Variants in ADAMTS9 observed in about 807,000 individuals in gnomAD.
ADAMTS9 encodes ADAM metallopeptidase with thrombospondin type 1 motif 9, also known as A disintegrin and metalloproteinase with thrombospondin motifs 9.
A neutral mutation model predicts 257.1 loss-of-function variants in ADAMTS9; 107 were observed. The observed-to-expected ratio is 0.42, with a 90% confidence interval of 0.36 to 0.49. The LOEUF is 0.49. Ranked by LOEUF, ADAMTS9 falls within the 20% of genes least tolerant of loss-of-function variation. The probability of loss-of-function intolerance (pLI) is 0.03; values close to 1 mark genes in which losing one functional copy is unlikely to be tolerated. For missense variants in ADAMTS9, 2,353 were observed against 2,469.1 expected (o/e 0.95, Z 1.00); for synonymous variants, 982 against 880.9 (o/e 1.11, Z -2.03).
chr3:64,618,795 A>G (rs773977069), intron 19 of ADAMTS9, among the ~76,000 whole-genome samples: 30 of 152,140 alleles, frequency 2.0e-4, no homozygotes, highest in Non-Finnish European at 3.2e-4. Context: ...ACGTAAACCA[A>G]TGAGCGGAAA....
intron 2 of ADAMTS9, among the ~76,000 whole-genome samples, chr3:64,685,783 T>C (rs1559828274): frequency 6.6e-6 from 1 of 152,058 alleles, no homozygotes; most frequent in Non-Finnish European, 1.5e-5. Flanking sequence ...CCGTGAGTAG[T>C]AGAAACCCCA....
At chr3:64,555,611 G>C (rs2083323364) in intron 30 of ADAMTS9, among the ~76,000 whole-genome samples, 1 of 152,146 alleles carries the variant, frequency 6.6e-6, no homozygotes, top group Non-Finnish European at 1.5e-5. Flanking sequence ...TTGTAACAGA[G>C]CATGTAATTG....
At chr3:64,640,219 G>A (rs992849413) in intron 12 of ADAMTS9, among the ~76,000 whole-genome samples, 3 of 152,106 alleles carry the variant, frequency 2.0e-5, no homozygotes, top group Non-Finnish European at 4.4e-5. Context: ...AAATAAGGTT[G>A]GGTTATGAAC....
intron 3 of ADAMTS9, among the ~76,000 whole-genome samples, chr3:64,677,416 G>C (rs1292907589): frequency 6.6e-6 from 1 of 152,146 alleles, no homozygotes; most frequent in Non-Finnish European, 1.5e-5. Context: ...TTGCAAGAAA[G>C]AAAATATTTA....
chr3:64,614,387 CT>C (rs1356216102), intron 21 of ADAMTS9, among the ~76,000 whole-genome samples: 1 of 152,186 alleles, frequency 6.6e-6, no homozygotes, highest in East Asian at 1.9e-4. Context: ...ATCAAATACA[CT>C]GTTAATTGAC....
chr3:64,620,210 T>TTA (rs1265473473), intron 19 of ADAMTS9, among the ~76,000 whole-genome samples: 1 of 152,132 alleles, frequency 6.6e-6, no homozygotes, highest in African/African-American at 2.4e-5. Context: ...ATGGCAGACA[T>TTA]TAGTAGTCAA....
intron 20 of ADAMTS9, 30 bp downstream of exon 20, chr3:64,615,930 A>T (rs374226749): frequency 6.2e-7 from 1 of 1,611,702 alleles, no homozygotes; most frequent in South Asian, 1.1e-5. Context: ...ACAGCATCCA[A>T]GAAGACTCTT....
intron 3 of ADAMTS9, among the ~76,000 whole-genome samples, chr3:64,660,327 A>G (rs1337096035): frequency 6.6e-6 from 1 of 152,222 alleles, no homozygotes; most frequent in African/African-American, 2.4e-5. Flanking sequence ...TTTGACCATT[A>G]TAACCAATTG....
At position 64,602,178 on chromosome 3, in the gene ADAMTS9, C is replaced by G. The variant is rs1302504334; in HGVS notation, c.3783G>C (p.Arg1261=). The G allele has an allele frequency of 6.2e-7, 1 of 1,613,858 alleles. No homozygotes were observed. Among genetic ancestry groups the G allele is most frequent in the Admixed American group, 1.7e-5 (1 of 60,006 alleles). ...SVTCGQGRAT[R]QVMCVNYSDH... is the part of the protein sequence containing the mutation. ...CACTGTAGTTGACACACATCACTTG[C>G]CGGGTTGCCCTACCTTGCCCACAGG... Residue 1261 remains arginine, a synonymous_variant, in exon 26 of 40, where the codon CGG becomes CGC. Coordinates refer to ENST00000498707, the MANE Select transcript of ADAMTS9 (RefSeq NM_182920.2).
In ADAMTS9 at chr3:64,602,095, T is replaced by C. The variant is rs1331721061; in HGVS notation, c.3866A>G (p.Asp1289Gly). 1.9e-6 allele frequency: 3 copies of C among 1,614,132 alleles called. No individual in the cohort carries two copies. ...DQDYIPETDQ[D>G]CSMSPCPQRT... ...TTGAGGGCATGGTGACATGGAACAG[T>C]CCTGGTCAGTTTCTGGGATATAATC... The change falls in exon 26 of 40, where the codon GAC becomes GGC. Residue 1289 changes from aspartate (D) to glycine (G), a missense_variant. Asp to Gly is a moderately conservative substitution (Grantham distance 94). Coordinates refer to ENST00000498707, the MANE Select transcript of ADAMTS9 (RefSeq NM_182920.2).
intron 12 of ADAMTS9, among the ~76,000 whole-genome samples, chr3:64,639,558 G>C (rs1242047857): frequency 9.1e-6 from 1 of 109,418 alleles, no homozygotes; most frequent in Non-Finnish European, 1.8e-5. Context: ...ACTTAACAAA[G>C]TATTATTTTA....
chr3:64,600,479 A>C (rs1479025609), intron 26 of ADAMTS9, among the ~76,000 whole-genome samples: 1 of 152,254 alleles, frequency 6.6e-6, no homozygotes, highest in Non-Finnish European at 1.5e-5. Flanking sequence ...AGAATCATTC[A>C]ATCTTAAAGG....
chr3:64,604,858 C>T (rs944272228), intron 23 of ADAMTS9, among the ~76,000 whole-genome samples: 2 of 152,182 alleles, frequency 1.3e-5, no homozygotes, highest in Non-Finnish European at 2.9e-5. Context: ...ATATAACACC[C>T]CTCAATCATG....
intron 31 of ADAMTS9, among the ~76,000 whole-genome samples, chr3:64,548,784 CT>C (rs2083234205): frequency 6.6e-6 from 1 of 152,236 alleles, no homozygotes; most frequent in Non-Finnish European, 1.5e-5. Flanking sequence ...CAGAGAGAAA[CT>C]CATACTGTAG....
At chr3:64,553,018 T>C (rs1484292678) in intron 30 of ADAMTS9, among the ~76,000 whole-genome samples, 3 of 152,132 alleles carry the variant, frequency 2.0e-5, no homozygotes, top group Non-Finnish European at 4.4e-5. Context: ...TCTTCTATGA[T>C]ATGCCCTATG....
intron 27 of ADAMTS9, 46 bp downstream of exon 27, chr3:64,596,784 G>C: frequency 6.2e-7 from 1 of 1,606,376 alleles, no homozygotes; most frequent in Non-Finnish European, 8.5e-7. Context: ...ATACAGTTTG[G>C]TTAACACAAT....
chr3:64,611,158 A>C (rs2106832490), intron 22 of ADAMTS9, among the ~76,000 whole-genome samples: 1 of 152,240 alleles, frequency 6.6e-6, no homozygotes, highest in South Asian at 2.1e-4. Context: ...CACATCCAAA[A>C]GAAGTGAAGC....
chr3:64,542,495 A>G (rs11713822), intron 32 of ADAMTS9, among the ~76,000 whole-genome samples: 95,870 of 146,862 alleles, frequency 0.65, 35,416 homozygotes, highest in Non-Finnish European at 0.85. Context: ...TGGCACAATC[A>G]CAGCTCACGG....
chr3:64,647,337 G>A (rs1700823261), intron 11 of ADAMTS9, among the ~76,000 whole-genome samples: 1 of 152,044 alleles, frequency 6.6e-6, no homozygotes, highest in Admixed American at 6.6e-5. Flanking sequence ...ATACTCCTAG[G>A]TGCATGAGAC....
Sources: allele counts gnomAD v4.1 joint callset (sites outside exome capture counted in the v4.1 genomes callset), GRCh38; gene constraint gnomAD v4.1.1; transcripts MANE v1.5; gene names NCBI Gene and HGNC (gene_info 2026-07-23, HGNC 2026-07-21).